ARHGAP44: variants seen among roughly 807,000 people sequenced by gnomAD.
ARHGAP44 encodes the protein rho GTPase-activating protein 44.
ARHGAP44 carries 43 observed loss-of-function variants against 106.8 expected under a neutral mutation model. The ratio of observed to expected loss-of-function variants is 0.40; its 90% CI spans 0.32 to 0.52. ARHGAP44 has a LOEUF of 0.52. Ranked by LOEUF, ARHGAP44 falls within the 20% of genes least tolerant of loss-of-function variation. The pLI, the probability that ARHGAP44 is intolerant of heterozygous loss-of-function variation, is 0.48. For synonymous variants in ARHGAP44, 439 were observed against 410.3 expected, an observed-to-expected ratio of 1.07 and a Z score of -0.85; for missense variants, 866 against 1,050.5, an observed-to-expected ratio of 0.82 and a Z score of 2.43.
chr17:12,935,306 G>T (rs1167910974), intron 7 of ARHGAP44, among the ~76,000 whole-genome samples: 1 of 152,204 alleles, frequency 6.6e-6, no homozygotes, highest in Non-Finnish European at 1.5e-5. Context: ...GGGTGCGGTG[G>T]CTCACGCCTG....
At chr17:12,803,879 A>G (rs539129025) in intron 1 of ARHGAP44, among the ~76,000 whole-genome samples, 3 of 152,016 alleles carry the variant, frequency 2.0e-5, no homozygotes, top group Admixed American at 1.3e-4. Context: ...TTTACAATCT[A>G]TATTTGTATT....
At chr17:12,897,087 G>A (rs561108747) in intron 3 of ARHGAP44, among the ~76,000 whole-genome samples, 18 of 152,172 alleles carry the variant, frequency 1.2e-4, no homozygotes, top group African/African-American at 4.3e-4. Context: ...AACAGTTCTT[G>A]GCATGAACAG....
chr17:12,822,109 A>AC (rs2034787427), intron 1 of ARHGAP44, among the ~76,000 whole-genome samples: 3 of 152,134 alleles, frequency 2.0e-5, no homozygotes, highest in African/African-American at 7.2e-5. Flanking sequence ...ACAATATATA[A>AC]AGGGTTGGCA....
At chr17:12,932,693 T>C (rs2038435520) in intron 7 of ARHGAP44, among the ~76,000 whole-genome samples, 1 of 151,832 alleles carries the variant, frequency 6.6e-6, no homozygotes, top group Non-Finnish European at 1.5e-5. Context: ...TGATGTGAGG[T>C]AGGGGTTTCT....
At chr17:12,818,530 A>G (rs1265723152) in intron 1 of ARHGAP44, among the ~76,000 whole-genome samples, 1 of 152,010 alleles carries the variant, frequency 6.6e-6, no homozygotes, top group Non-Finnish European at 1.5e-5. Flanking sequence ...GAAAAAGAAT[A>G]AATAAAACTG....
At chr17:12,944,631 G>A (rs972560775) in intron 10 of ARHGAP44, among the ~76,000 whole-genome samples, 19 of 150,632 alleles carry the variant, frequency 1.3e-4, no homozygotes, top group Non-Finnish European at 2.2e-4. Context: ...GACTACAGGC[G>A]TGTGCCACCA....
chr17:12,989,078 CAA>C (rs767191769), intron 20 of ARHGAP44, among the ~76,000 whole-genome samples: 23 of 107,150 alleles, frequency 2.1e-4, no homozygotes, highest in African/African-American at 7.9e-4. Context: ...GTCTGTGTGA[CAA>C]GAGCGAAACT....
chr17:12,970,365 C>CAAAAAAAAAA (rs66577680), intron 16 of ARHGAP44, among the ~76,000 whole-genome samples: 8 of 55,076 alleles, frequency 1.5e-4, no homozygotes, highest in Non-Finnish European at 3.4e-4. Flanking sequence ...GACCCTGTCT[C>CAAAAAAAAAA]AAAAAAAAAA....
At chr17:12,852,277 CTTT>C (rs66824907) in intron 1 of ARHGAP44, among the ~76,000 whole-genome samples, 26 of 73,552 alleles carry the variant, frequency 3.5e-4, no homozygotes, top group African/African-American at 1.0e-3. Flanking sequence ...ACTTTTGAAG[CTTT>C]TTTTTTTTTT....
At chr17:12,974,852 A>T (rs982488108) in intron 18 of ARHGAP44, among the ~76,000 whole-genome samples, 3 of 145,044 alleles carry the variant, frequency 2.1e-5, no homozygotes, top group South Asian at 2.2e-4. Flanking sequence ...GTGTCTCTCA[A>T]TTTTTTTTTT....
intron 17 of ARHGAP44, 26 bp downstream of exon 17, chr17:12,973,345 G>C: frequency 6.2e-7 from 1 of 1,603,400 alleles, no homozygotes. Flanking sequence ...GTAGCTATGA[G>C]GCCATGCTCA....
chr17:12,933,625 T>C (rs571903909), intron 7 of ARHGAP44, among the ~76,000 whole-genome samples: 1 of 152,302 alleles, frequency 6.6e-6, no homozygotes, highest in African/African-American at 2.4e-5. Flanking sequence ...AAGTAGTTGG[T>C]AATTTTTCAA....
At chr17:12,840,583 A>G (rs2035360988) in intron 1 of ARHGAP44, among the ~76,000 whole-genome samples, 1 of 152,096 alleles carries the variant, frequency 6.6e-6, no homozygotes, top group Non-Finnish European at 1.5e-5. Context: ...TGGGAGAGCA[A>G]AGTAGGGTGA....
At chr17:12,951,426 G>C (rs1277205904) in intron 12 of ARHGAP44, among the ~76,000 whole-genome samples, 2 of 152,180 alleles carry the variant, frequency 1.3e-5, no homozygotes, top group African/African-American at 2.4e-5. Context: ...GCCTCTCTAG[G>C]ACAAGAATGT....
intron 1 of ARHGAP44, among the ~76,000 whole-genome samples, chr17:12,805,309 C>T (rs2034239181): frequency 1.3e-5 from 2 of 152,176 alleles, no homozygotes; most frequent in Non-Finnish European, 1.5e-5. Context: ...TTCTTCATCT[C>T]TGTGTCCTGA....
chr17:12,980,754 C>T (rs887626117), intron 19 of ARHGAP44, among the ~76,000 whole-genome samples: 1 of 152,192 alleles, frequency 6.6e-6, no homozygotes, highest in Non-Finnish European at 1.5e-5. Context: ...CTTCCAAAAG[C>T]TAAAGGTATG....
intron 8 of ARHGAP44, among the ~76,000 whole-genome samples, chr17:12,943,371 C>T (rs2038756320): frequency 6.6e-6 from 1 of 152,184 alleles, no homozygotes; most frequent in Non-Finnish European, 1.5e-5. Flanking sequence ...CTATTCCTGT[C>T]TGGTTCTCCT....
intron 7 of ARHGAP44, among the ~76,000 whole-genome samples, chr17:12,930,405 T>G (rs1567693413): frequency 6.6e-6 from 1 of 152,104 alleles, no homozygotes; most frequent in African/African-American, 2.4e-5. Flanking sequence ...GGCTAATTTT[T>G]TTTGTATTTT....
rs2034255624 is a variant in ARHGAP44, at chr17:12,805,725, C to T, written c.53+15834C>T. Among the ~76,000 whole-genome samples, 3 of 152,190 alleles carry T rather than the reference C, an allele frequency of 2.0e-5. No individual in the cohort carries two copies. In the South Asian group the frequency reaches 6.2e-4, roughly 32 times the overall value. ...TGGCATAGCTTGGGTCTCTGCAAAG[C>T]GGATACTGAGAATAGCATGCAGCAT... On this transcript the variant is annotated intron_variant, in intron 1 of 20. Coordinates refer to ENST00000379672, the MANE Select transcript of ARHGAP44 (RefSeq NM_014859.6).
Sources: allele counts gnomAD v4.1 joint callset (sites outside exome capture counted in the v4.1 genomes callset), GRCh38; gene constraint gnomAD v4.1.1; transcripts MANE v1.5; gene names NCBI Gene and HGNC (gene_info 2026-07-23, HGNC 2026-07-21).